Variants in NBEA observed in about 807,000 individuals in gnomAD.
NBEA encodes neurobeachin.
NBEA carries 44 observed loss-of-function variants against 343.4 expected under a neutral mutation model. That is an observed-to-expected ratio of 0.13 (90% CI 0.10 to 0.16). The LOEUF (loss-of-function observed/expected upper bound fraction) is 0.16, where lower values mean the gene tolerates loss of function less well. Among genes scored for constraint, NBEA ranks in the 10% least tolerant of loss-of-function variants. The probability of loss-of-function intolerance (pLI) is 1.00; values close to 1 mark genes in which losing one functional copy is unlikely to be tolerated. For missense variants in NBEA, 2,555 were observed against 3,631.3 expected (o/e 0.70, Z 7.62); for synonymous variants, 1,175 against 1,238.7 (o/e 0.95, Z 1.08).
intron 38 of NBEA, among the ~76,000 whole-genome samples, chr13:35,423,963 G>T (rs1256380482): frequency 1.3e-5 from 2 of 152,128 alleles, no homozygotes; most frequent in Non-Finnish European, 2.9e-5. Context: ...TCTGTTATTG[G>T]TGTGTAAGAA....
chr13:35,462,078 G>C (rs927159140), intron 40 of NBEA, among the ~76,000 whole-genome samples: 2 of 152,214 alleles, frequency 1.3e-5, no homozygotes, highest in Non-Finnish European at 2.9e-5. Flanking sequence ...GGAAGGACCT[G>C]TTGGACCCTT....
At chr13:35,598,032 A>T (rs1258687241) in intron 47 of NBEA, among the ~76,000 whole-genome samples, 1 of 152,166 alleles carries the variant, frequency 6.6e-6, no homozygotes, top group East Asian at 1.9e-4. Flanking sequence ...CTTGTTCCCC[A>T]CAAGTCCCAT....
intron 16 of NBEA, among the ~76,000 whole-genome samples, chr13:35,121,923 A>C (rs1185565447): frequency 6.6e-6 from 1 of 152,176 alleles, no homozygotes; most frequent in African/African-American, 2.4e-5. Flanking sequence ...AATAAAGCAC[A>C]CTATAATGTT....
At chr13:35,600,734 G>A (rs2082008923) in intron 47 of NBEA, among the ~76,000 whole-genome samples, 1 of 152,136 alleles carries the variant, frequency 6.6e-6, no homozygotes, top group African/African-American at 2.4e-5. Flanking sequence ...CTAGCAAGAA[G>A]TCTGGATTGG....
At chr13:34,946,910 T>C (rs1007411385) in intron 1 of NBEA, among the ~76,000 whole-genome samples, 15 of 151,678 alleles carry the variant, frequency 9.9e-5, no homozygotes, top group Admixed American at 6.6e-4. Flanking sequence ...TTTTTAAATT[T>C]GCAGCTTGAT....
chr13:35,360,819 G>A (rs1295225969), intron 38 of NBEA, among the ~76,000 whole-genome samples: 1 of 151,918 alleles, frequency 6.6e-6, no homozygotes, highest in Non-Finnish European at 1.5e-5. Flanking sequence ...AAATCAGATT[G>A]AGGGAAAAAT....
intron 1 of NBEA, among the ~76,000 whole-genome samples, chr13:34,976,538 C>G (rs2060181023): frequency 6.6e-6 from 1 of 151,990 alleles, no homozygotes; most frequent in Non-Finnish European, 1.5e-5. Context: ...ATTTATGTAA[C>G]TCAACATCAC....
chr13:35,585,526 G>A (rs1313147018), intron 46 of NBEA, among the ~76,000 whole-genome samples: 1 of 151,756 alleles, frequency 6.6e-6, no homozygotes, highest in Non-Finnish European at 1.5e-5. Flanking sequence ...TTTCCTTAAT[G>A]TTCCTCTTCT....
intron 36 of NBEA, among the ~76,000 whole-genome samples, chr13:35,348,525 T>C (rs552161930): frequency 1.6e-4 from 25 of 152,156 alleles, no homozygotes; most frequent in Non-Finnish European, 2.8e-4. Context: ...AAGTCAGCTA[T>C]ATGGTTGAAC....
intron 6 of NBEA, 112 bp from the exon 7 acceptor site, chr13:35,055,898 C>A: frequency 1.3e-6 from 1 of 789,996 alleles, no homozygotes; most frequent in Non-Finnish European, 1.8e-6. Flanking sequence ...ATTAGATGAT[C>A]CTTAATAGTC....
chr13:35,048,775 G>A (rs1836822312), intron 5 of NBEA, 91 bp downstream of exon 5: 3 of 694,794 alleles, frequency 4.3e-6, no homozygotes, highest in East Asian at 2.8e-5. Flanking sequence ...TAGAATATAT[G>A]TATATATGTG....
chr13:35,500,709 CTCTTCT>C (rs112152191), intron 41 of NBEA, among the ~76,000 whole-genome samples: 17 of 124,224 alleles, frequency 1.4e-4, no homozygotes, highest in African/African-American at 4.6e-4. Context: ...TCTTTCCTGG[CTCTTCT>C]TTTTTTTTTT....
chr13:35,411,318 G>C (rs1221963503), intron 38 of NBEA, among the ~76,000 whole-genome samples: 2 of 152,158 alleles, frequency 1.3e-5, no homozygotes, highest in Admixed American at 6.6e-5. Context: ...AGCCGAACCA[G>C]TTGAGATTTC....
chr13:35,608,182 G>A (rs2082361483), intron 48 of NBEA, among the ~76,000 whole-genome samples: 1 of 151,646 alleles, frequency 6.6e-6, no homozygotes, highest in African/African-American at 2.4e-5. Context: ...TCTGCAATGT[G>A]TTCTCCCCCC....
intron 11 of NBEA, among the ~76,000 whole-genome samples, chr13:35,107,273 G>A (rs2589649): frequency 0.034 from 5,099 of 148,176 alleles, 170 homozygotes; most frequent in East Asian, 0.15. Context: ...TACTTGTTTT[G>A]GTTCCCCCCC....
At chr13:35,306,953 G>A (rs1035901583) in intron 35 of NBEA, among the ~76,000 whole-genome samples, 2 of 151,936 alleles carry the variant, frequency 1.3e-5, no homozygotes, top group Admixed American at 6.6e-5. Context: ...ATATTTCTAT[G>A]TAAATAATTC....
Position 35,211,146 on chromosome 13 carries a change from C to T in NBEA, c.5615C>T (p.Ala1872Val). ...SKNLPAVQTV[A>V]PMPEDSAENM... Reference sequence around the variant, plus strand: ...AACCTTCCAGCTGTACAAACTGTTGCTCCAATGCCAGAAGATTCAGCTGAA... The same window carrying T: ...AACCTTCCAGCTGTACAAACTGTTGTTCCAATGCCAGAAGATTCAGCTGAA... Residue 1872 changes from alanine (A) to valine (V), a missense_variant, in exon 33 of 59, where the codon GCT becomes GTT. By Grantham distance (64) the Ala-to-Val change is moderately conservative (BLOSUM62 0). Coordinates refer to ENST00000379939, the MANE Select transcript of NBEA (RefSeq NM_001385012.1). 7 of 1,554,352 alleles carry T rather than the reference C, an allele frequency of 4.5e-6. No homozygotes were observed. Among genetic ancestry groups the T allele is most frequent in the Non-Finnish European group, 5.2e-6 (6 of 1,147,904 alleles).
chr13:35,482,407 A>G (rs1218899874), intron 41 of NBEA, among the ~76,000 whole-genome samples: 1 of 151,490 alleles, frequency 6.6e-6, no homozygotes, highest in Non-Finnish European at 1.5e-5. Flanking sequence ...TATTTTCACT[A>G]TTGTAATAAT....
chr13:35,133,456 T>G (rs7321021), intron 17 of NBEA, among the ~76,000 whole-genome samples: 15,982 of 152,058 alleles, frequency 0.11, 1,005 homozygotes, highest in African/African-American at 0.16. Flanking sequence ...AAAAGATAAA[T>G]ATACTTATAC....
Sources: gnomAD v4.1 joint callset for allele counts (sites outside exome capture counted in the v4.1 genomes callset) on GRCh38, gnomAD v4.1.1 for gene constraint, MANE v1.5 for transcripts, NCBI Gene and HGNC (gene_info 2026-07-23, HGNC 2026-07-21) for gene names.